SPHKAP: variants seen among roughly 807,000 people sequenced by gnomAD.
SPHKAP encodes the protein SPHK1 interactor, AKAP domain containing, also known as A-kinase anchor protein SPHKAP.
A neutral mutation model predicts 137.5 loss-of-function variants in SPHKAP; 67 were observed. The observed-to-expected ratio is 0.49, with a 90% CI of 0.40 to 0.60. The LOEUF is 0.60. Among genes scored for constraint, SPHKAP ranks in the 20% least tolerant of loss-of-function variants. The probability of loss-of-function intolerance (pLI) is 0.00; values close to 1 mark genes in which losing one functional copy is unlikely to be tolerated. For missense variants in SPHKAP, 2,097 were observed against 2,069.3 expected (o/e 1.01, Z -0.26); for synonymous variants, 813 against 785.3 (o/e 1.04, Z -0.59).
intron 2 of SPHKAP, among the ~76,000 whole-genome samples, chr2:228,111,856 G>C (rs533257245): frequency 3.6e-4 from 54 of 152,006 alleles, no homozygotes; most frequent in Non-Finnish European, 7.2e-4. Context: ...AAATGGGTAT[G>C]ATTTGGGGTA....
chr2:228,125,447 T>A (rs1236023532), intron 2 of SPHKAP, among the ~76,000 whole-genome samples: 1 of 152,242 alleles, frequency 6.6e-6, no homozygotes, highest in Non-Finnish European at 1.5e-5. Flanking sequence ...ATCAATTATG[T>A]GCCAAGGGCA....
intron 3 of SPHKAP, among the ~76,000 whole-genome samples, chr2:228,072,979 T>C (rs566826991): frequency 2.0e-5 from 3 of 152,358 alleles, no homozygotes; most frequent in South Asian, 4.1e-4. Flanking sequence ...GCTGAATTCC[T>C]CATGCACAAA....
chr2:228,060,584 C>G (rs1445380372), intron 3 of SPHKAP, among the ~76,000 whole-genome samples: 1 of 152,126 alleles, frequency 6.6e-6, no homozygotes, highest in Non-Finnish European at 1.5e-5. Context: ...TTTCTGTAGC[C>G]AAACAAGGGT....
At chr2:228,140,026 C>G (rs981481054) in intron 1 of SPHKAP, among the ~76,000 whole-genome samples, 16 of 151,506 alleles carry the variant, frequency 1.1e-4, no homozygotes, top group African/African-American at 3.9e-4. Context: ...CTCACTGCAA[C>G]CTCCACCTCC....
chr2:227,991,489 A>G (rs773457407), intron 9 of SPHKAP, 163 bp from the exon 10 acceptor site: 3 of 985,444 alleles, frequency 3.0e-6, no homozygotes, highest in Non-Finnish European at 3.6e-6. Flanking sequence ...CAATGTGGCT[A>G]TTATGTAAGA....
At chr2:228,044,194 G>A (rs1380177298) in intron 3 of SPHKAP, among the ~76,000 whole-genome samples, 1 of 152,148 alleles carries the variant, frequency 6.6e-6, no homozygotes, top group African/African-American at 2.4e-5. Flanking sequence ...TAAGCATGCT[G>A]CAATCTCATT....
intron 3 of SPHKAP, among the ~76,000 whole-genome samples, chr2:228,033,716 C>T (rs951926913): frequency 7.2e-5 from 11 of 152,080 alleles, no homozygotes; most frequent in Admixed American, 1.3e-4. Flanking sequence ...GAACTCAGGA[C>T]TAAGAAACTC....
At chr2:227,989,769 C>A (rs1037139948) in intron 11 of SPHKAP, among the ~76,000 whole-genome samples, 1 of 117,480 alleles carries the variant, frequency 8.5e-6, no homozygotes, top group African/African-American at 3.4e-5. Flanking sequence ...CCATGCCTGG[C>A]TAATTTTTGT....
At chr2:228,108,548 C>A (rs1029897031) in intron 3 of SPHKAP, among the ~76,000 whole-genome samples, 4 of 152,120 alleles carry the variant, frequency 2.6e-5, no homozygotes, top group African/African-American at 9.7e-5. Context: ...TTCTACTTCT[C>A]ATCATACAAT....
At chr2:228,113,613 C>A (rs1698593409) in intron 2 of SPHKAP, among the ~76,000 whole-genome samples, 1 of 109,656 alleles carries the variant, frequency 9.1e-6, no homozygotes, top group South Asian at 2.7e-4. Flanking sequence ...ATCTCTCTCT[C>A]TCTCTCTCTC....
chr2:228,055,970 A>T (rs1286623313), intron 3 of SPHKAP, among the ~76,000 whole-genome samples: 1 of 152,158 alleles, frequency 6.6e-6, no homozygotes, highest in Non-Finnish European at 1.5e-5. Flanking sequence ...TGCTATCAGG[A>T]TGGATTTTTG....
chr2:228,078,904 C>A (rs759067924), intron 3 of SPHKAP, among the ~76,000 whole-genome samples: 1 of 152,082 alleles, frequency 6.6e-6, no homozygotes, highest in Non-Finnish European at 1.5e-5. Flanking sequence ...AGGCCAGTAC[C>A]CACGAACGGA....
At chr2:228,101,532 G>A (rs1486380422) in intron 3 of SPHKAP, among the ~76,000 whole-genome samples, 3 of 152,152 alleles carry the variant, frequency 2.0e-5, no homozygotes, top group Non-Finnish European at 4.4e-5. Context: ...CTGCTGTTAA[G>A]TATATTGAAT....
At chr2:228,146,036 A>AT (rs907755050) in intron 1 of SPHKAP, among the ~76,000 whole-genome samples, 8 of 151,886 alleles carry the variant, frequency 5.3e-5, no homozygotes, top group Non-Finnish European at 7.4e-5. Context: ...CTCCCCTCAG[A>AT]TTTTTTTGCT....
intron 2 of SPHKAP, among the ~76,000 whole-genome samples, chr2:228,126,684 A>G (rs1257946568): frequency 6.6e-6 from 1 of 152,192 alleles, no homozygotes; most frequent in Non-Finnish European, 1.5e-5. Flanking sequence ...TGGTATGGTC[A>G]TCCTAGCTCT....
chr2:228,008,096 T>G (rs968865045), intron 7 of SPHKAP, among the ~76,000 whole-genome samples: 5 of 152,182 alleles, frequency 3.3e-5, no homozygotes, highest in Admixed American at 2.0e-4. Flanking sequence ...ATATGTATTT[T>G]AGAAATATTT....
chr2:228,143,252 T>C (rs1699661259), intron 1 of SPHKAP, among the ~76,000 whole-genome samples: 2 of 152,084 alleles, frequency 1.3e-5, no homozygotes, highest in South Asian at 4.1e-4. Flanking sequence ...TTTTAAAATA[T>C]AAGACTGGGC....
chr2:227,992,761 G>A (rs1342295126), intron 9 of SPHKAP, among the ~76,000 whole-genome samples: 1 of 152,188 alleles, frequency 6.6e-6, no homozygotes, highest in East Asian at 1.9e-4. Context: ...TAAAAGTGCT[G>A]TAGTTATAGA....
Position 227,980,479 on chromosome 2 carries a change from T to C in SPHKAP, c.*1238A>G, listed in dbSNP as rs1692956338. The C allele has an allele frequency of 6.6e-6, 1 of 152,182 alleles. No homozygotes were observed. The highest frequency in any genetic ancestry group is 6.5e-5 in the Admixed American group (1 of 15,268). 9.4% of individuals were successfully genotyped at this position (152,182 alleles called of 1,614,324 possible). On this transcript the variant is annotated 3_prime_UTR_variant, in exon 12 of 12. Coordinates refer to ENST00000392056, the MANE Select transcript of SPHKAP (RefSeq NM_001142644.2). ...ATAAACACCTCTTTGATCAAGAAAA[T>C]AAAAGTCCGTGTAGGTCATTTAGTT... is the stretch of plus-strand genomic sequence containing the variant.
Sources: allele counts gnomAD v4.1 joint callset (sites outside exome capture counted in the v4.1 genomes callset), GRCh38; gene constraint gnomAD v4.1.1; transcripts MANE v1.5; gene names NCBI Gene and HGNC (gene_info 2026-07-23, HGNC 2026-07-21).